Variants in UBAP1 observed in about 807,000 individuals in gnomAD.
UBAP1 encodes the protein ubiquitin associated protein 1, also known as ubiquitin-associated protein 1.
A neutral mutation model predicts 39.0 loss-of-function variants in UBAP1; 5 were observed. The ratio of observed to expected loss-of-function variants is 0.13; its 90% confidence interval spans 0.07 to 0.27. The LOEUF (loss-of-function observed/expected upper bound fraction) is 0.27, where lower values mean the gene tolerates loss of function less well. Among genes scored for constraint, UBAP1 ranks in the 10% least tolerant of loss-of-function variants. UBAP1 has a pLI of 1.00. For missense variants in UBAP1, 490 were observed against 608.1 expected (o/e 0.81, Z 2.04); for synonymous variants, 211 against 225.1 (o/e 0.94, Z 0.56).
At chr9:34,186,870 A>G (rs1356936617) in intron 1 of UBAP1, among the ~76,000 whole-genome samples, 1 of 151,852 alleles carries the variant, frequency 6.6e-6, no homozygotes, top group African/African-American at 2.4e-5. Context: ...TGAATTTTTC[A>G]GTCTTTCATG....
In UBAP1 at chr9:34,179,054, C is replaced by T. The variant is rs757905104; in HGVS notation, c.-194C>T. 2.4e-5 allele frequency: 31 copies of T among 1,278,874 alleles called. No individual in the cohort carries two copies. The highest frequency in any genetic ancestry group is 3.1e-5 in the East Asian group (1 of 32,416). The allele number at this position is 1,278,874 out of a possible 1,614,324, so 79.2% of individuals were successfully genotyped here. A position where few individuals can be genotyped will look rare whatever the true frequency, so the allele number is the denominator to read the frequency against. Reference sequence around the variant, plus strand: ...GAGGGGAAGGAGGAGGGAAGTAGGACTTCAACATGGCGGCTGCGGCACTGG... The same window carrying T: ...GAGGGGAAGGAGGAGGGAAGTAGGATTTCAACATGGCGGCTGCGGCACTGG... On this transcript the variant is annotated 5_prime_UTR_variant, in exon 1 of 7. Transcript: ENST00000297661.
chr9:34,239,009 A>T (rs572017476), intron 3 of UBAP1, among the ~76,000 whole-genome samples: 52 of 152,314 alleles, frequency 3.4e-4, no homozygotes, highest in African/African-American at 1.2e-3. Flanking sequence ...CTCCATTCCA[A>T]TGTGGGCCAT....
chr9:34,207,197 C>T (rs187191508), intron 1 of UBAP1, among the ~76,000 whole-genome samples: 3,612 of 150,420 alleles, frequency 0.024, 101 homozygotes, highest in Admixed American at 0.078. Flanking sequence ...GGATTACGGG[C>T]TCCCGCCACA....
At chr9:34,221,196 A>G (rs901163428) in intron 2 of UBAP1, among the ~76,000 whole-genome samples, 1 of 152,158 alleles carries the variant, frequency 6.6e-6, no homozygotes, top group African/African-American at 2.4e-5. Flanking sequence ...CTAGTGATAG[A>G]TTAGGAGTCT....
intron 3 of UBAP1, among the ~76,000 whole-genome samples, chr9:34,240,543 A>T (rs1429512233): frequency 6.6e-6 from 1 of 152,204 alleles, no homozygotes; most frequent in Non-Finnish European, 1.5e-5. Flanking sequence ...TTGTAAATTG[A>T]GCTATACTTA....
chr9:34,199,568 C>T (rs920482954), intron 1 of UBAP1, among the ~76,000 whole-genome samples: 6 of 152,050 alleles, frequency 3.9e-5, no homozygotes, highest in African/African-American at 9.7e-5. Context: ...TACCTTGGTA[C>T]GTTAGTATCA....
Position 34,251,536 on chromosome 9 carries a change from C to CAGGCCCTGCCT in UBAP1, c.*15_*25dup. 8.7e-6 allele frequency: 14 copies of CAGGCCCTGCCT among 1,613,588 alleles called. No individual in the cohort carries two copies. Among genetic ancestry groups the CAGGCCCTGCCT allele is most frequent in the Non-Finnish European group, 1.1e-5 (13 of 1,179,830 alleles). ...GGCTCGGGCAGGAGCCAGCTGAGACCAGGCCCTGCCTAGGCCCTGCCGCAG... is the reference window on the plus strand; with the variant it reads ...GGCTCGGGCAGGAGCCAGCTGAGACCAGGCCCTGCCTAGGCCCTGCCTAGGCCCTGCCGCAG... On this transcript the variant is annotated 3_prime_UTR_variant, in exon 7 of 7. Transcript: ENST00000297661.
At chr9:34,240,404 G>A (rs1338044883) in intron 3 of UBAP1, among the ~76,000 whole-genome samples, 3 of 152,100 alleles carry the variant, frequency 2.0e-5, no homozygotes, top group African/African-American at 7.2e-5. Flanking sequence ...TCTCACCTTG[G>A]ACATTAACAC....
rs371902222 is a variant in UBAP1, at chr9:34,251,558, G to T, written c.*26G>T. 7 of 1,608,908 alleles carry T rather than the reference G, an allele frequency of 4.4e-6. No homozygotes were observed. In the South Asian group the frequency reaches 4.4e-5, roughly 10 times the overall value. ...GACCAGGCCCTGCCTAGGCCCTGCC[G>T]CAGAACCACCATCCCTGGGAGGCCC... On this transcript the variant is annotated 3_prime_UTR_variant, in exon 7 of 7. Coordinates refer to ENST00000297661, the MANE Select transcript of UBAP1 (RefSeq NM_016525.5).
chr9:34,235,054 T>A (rs1344263321), intron 3 of UBAP1, among the ~76,000 whole-genome samples: 1 of 152,028 alleles, frequency 6.6e-6, no homozygotes, highest in Non-Finnish European at 1.5e-5. Flanking sequence ...GGCTGATGTG[T>A]GTGTGGCTTC....
intron 1 of UBAP1, among the ~76,000 whole-genome samples, chr9:34,202,553 A>T (rs927913911): frequency 2.0e-5 from 3 of 151,688 alleles, no homozygotes; most frequent in Admixed American, 1.3e-4. Context: ...GAGGCCTGAC[A>T]TACCTAGCAT....
chr9:34,241,056 C>A, intron 3 of UBAP1, 129 bp from the exon 4 acceptor site: 1 of 602,576 alleles, frequency 1.7e-6, no homozygotes, highest in Admixed American at 2.8e-5. Context: ...TGGGGATCAT[C>A]CCACACGCCT....
At position 34,252,361 on chromosome 9, in the gene UBAP1, T is replaced by TAACA. The variant is rs1834607238; in HGVS notation, c.*830_*833dup. On this transcript the variant is annotated 3_prime_UTR_variant, in exon 7 of 7. Transcript: ENST00000297661. Reference sequence around the variant, plus strand: ...CACTGCTTTAGGATGACACAATGAATAACACCTAGTCATAGAAATCAGTCT... The same window carrying TAACA: ...CACTGCTTTAGGATGACACAATGAATAACAAACACCTAGTCATAGAAATCAGTCT... 1 of 152,676 alleles carries TAACA rather than the reference T, an allele frequency of 6.5e-6. No individual in the cohort carries two copies. Among genetic ancestry groups the TAACA allele is most frequent in the Middle Eastern group, 3.2e-3 (1 of 316 alleles). The allele number at this position is 152,676 out of a possible 1,614,324, so 9.5% of individuals were successfully genotyped here.
chr9:34,204,953 T>C (rs1284032720), intron 1 of UBAP1, among the ~76,000 whole-genome samples: 1 of 152,158 alleles, frequency 6.6e-6, no homozygotes, highest in Non-Finnish European at 1.5e-5. Flanking sequence ...TTAAATAAAT[T>C]GTAATGAATT....
rs1270802349 is a variant in UBAP1 at position 34,193,210 on chromosome 9, C to CT, written c.-8+13971dup. Among the ~76,000 whole-genome samples the CT allele has an allele frequency of 2.0e-5, 3 of 152,028 alleles. No individual in the cohort carries two copies. In the East Asian group the frequency reaches 5.8e-4, roughly 29 times the overall value. On this transcript the variant is annotated intron_variant, in intron 1 of 6. Transcript: ENST00000297661. ...CTAGAATCCCAGTTACTCAGGGGGG[C>CT]TGAGGCAGGAGGATCGCTTGAACCC...
chr9:34,250,834 G>A, intron 6 of UBAP1, 75 bp downstream of exon 6: 1 of 1,273,294 alleles, frequency 7.9e-7, no homozygotes, highest in Non-Finnish European at 1.1e-6. Context: ...TTCTCCCTTG[G>A]CCCACACACA....
At chr9:34,216,367 G>GT (rs1832316301) in intron 1 of UBAP1, among the ~76,000 whole-genome samples, 1 of 152,064 alleles carries the variant, frequency 6.6e-6, no homozygotes, top group African/African-American at 2.4e-5. Flanking sequence ...CAACTACACA[G>GT]TTTCTCTTTC....
At chr9:34,191,582 AT>A (rs2131510263) in intron 1 of UBAP1, 1 of 158,180 alleles carries the variant, frequency 6.3e-6, no homozygotes, top group South Asian at 1.9e-4. Context: ...GTCCAAGGCC[AT>A]TTTTTGTTGG....
chr9:34,249,928 A>G lies in UBAP1; in HGVS notation c.1233A>G (p.Arg411=), dbSNP rs909473546. Residue 411 remains arginine (R), a synonymous_variant, in exon 5 of 7, where the codon AGA becomes AGG. Coordinates refer to ENST00000297661, the MANE Select transcript of UBAP1 (RefSeq NM_016525.5). ...NMGYSYECVL[R]AMKKKGENIE... ...GCTACTCGTACGAGTGTGTCCTCAG[A>G]GCCATGAAGAAGAAAGGAGAGAATA... The G allele has an allele frequency of 6.2e-7, 1 of 1,614,060 alleles. No individual in the cohort carries two copies. Among genetic ancestry groups the G allele is most frequent in the African/African-American group, 1.3e-5 (1 of 74,908 alleles).
Sources: gnomAD v4.1 joint callset for allele counts (sites outside exome capture counted in the v4.1 genomes callset) on GRCh38, gnomAD v4.1.1 for gene constraint, MANE v1.5 for transcripts, NCBI Gene and HGNC (gene_info 2026-07-23, HGNC 2026-07-21) for gene names.